CADM1: variants seen among roughly 807,000 people sequenced by gnomAD.
CADM1 encodes cell adhesion molecule 1.
CADM1 carries 15 observed loss-of-function variants against 53.1 expected under a neutral mutation model. That is an observed-to-expected ratio of 0.28 (90% CI 0.19 to 0.44). The LOEUF is 0.44. Among genes scored for constraint, CADM1 ranks in the 20% least tolerant of loss-of-function variants. The pLI, the probability that CADM1 is intolerant of heterozygous loss-of-function variation, is 1.00. For synonymous variants in CADM1, 281 were observed against 243.0 expected (o/e 1.16, Z -1.45); for missense variants, 434 against 611.3 (o/e 0.71, Z 3.06).
At chr11:115,469,882 G>A (rs1948975888) in intron 1 of CADM1, among the ~76,000 whole-genome samples, 1 of 152,004 alleles carries the variant, frequency 6.6e-6, no homozygotes, top group Non-Finnish European at 1.5e-5. Context: ...ATGTTGGCCA[G>A]GCTGGTCTTG....
intron 3 of CADM1, 57 bp downstream of exon 3, chr11:115,238,443 T>A: frequency 6.5e-7 from 1 of 1,548,476 alleles, no homozygotes; most frequent in Non-Finnish European, 8.9e-7. Flanking sequence ...TCCTTGCTGC[T>A]GTAAAAGGGC....
chr11:115,188,067 G>A (rs1244650575), intron 10 of CADM1, among the ~76,000 whole-genome samples: 1 of 152,144 alleles, frequency 6.6e-6, no homozygotes, highest in Non-Finnish European at 1.5e-5. Flanking sequence ...CTGGCACACT[G>A]TATATTTACC....
intron 1 of CADM1, among the ~76,000 whole-genome samples, chr11:115,357,924 A>G (rs533312438): frequency 6.6e-6 from 1 of 150,472 alleles, no homozygotes; most frequent in East Asian, 1.9e-4. Flanking sequence ...GTCCAGTACA[A>G]CAGACAGACA....
intron 1 of CADM1, among the ~76,000 whole-genome samples, chr11:115,260,885 A>G (rs900400633): frequency 2.0e-5 from 3 of 151,908 alleles, no homozygotes; most frequent in African/African-American, 7.3e-5. Context: ...CGTGTTAGCC[A>G]GGATGGTCTT....
chr11:115,270,237 G>C (rs1165144127), intron 1 of CADM1, among the ~76,000 whole-genome samples: 2 of 152,094 alleles, frequency 1.3e-5, no homozygotes, highest in African/African-American at 4.8e-5. Flanking sequence ...AGCCTAAAGG[G>C]CAACATATTT....
At chr11:115,301,584 G>A (rs1357158126) in intron 1 of CADM1, among the ~76,000 whole-genome samples, 2 of 152,008 alleles carry the variant, frequency 1.3e-5, no homozygotes, top group Non-Finnish European at 2.9e-5. Flanking sequence ...GTAGACCTTT[G>A]TACTTTACTG....
intron 4 of CADM1, among the ~76,000 whole-genome samples, chr11:115,229,799 A>G (rs61907161): frequency 2.7e-3 from 413 of 152,344 alleles, no homozygotes; most frequent in Non-Finnish European, 5.0e-3. Context: ...TAAGAGAGAA[A>G]GTAACTAAAT....
chr11:115,460,919 G>A (rs1417724477), intron 1 of CADM1, among the ~76,000 whole-genome samples: 1 of 151,984 alleles, frequency 6.6e-6, no homozygotes, highest in Non-Finnish European at 1.5e-5. Context: ...TCAGGTTCTG[G>A]GCCTATGAAC....
intron 11 of CADM1, among the ~76,000 whole-genome samples, chr11:115,178,307 G>T (rs1185171963): frequency 6.6e-6 from 1 of 151,968 alleles, no homozygotes; most frequent in Non-Finnish European, 1.5e-5. Flanking sequence ...ATCCTTTGCG[G>T]CTTCATGCCA....
At chr11:115,198,312 G>A (rs1940257965) in intron 9 of CADM1, 94 bp downstream of exon 9, 1 of 919,664 alleles carries the variant, frequency 1.1e-6, no homozygotes, top group Admixed American at 2.1e-5. Flanking sequence ...CTTGAAACAT[G>A]ATTTCCCTTG....
chr11:115,172,358 C>T lies in CADM1; in HGVS notation c.*4116G>A, dbSNP rs1256377947. ...TTCAGTACAGCCACAAGACCCATCCCACCCTGCACACGGAATTGCTTTCTT... is the reference window on the plus strand; with the variant it reads ...TTCAGTACAGCCACAAGACCCATCCTACCCTGCACACGGAATTGCTTTCTT... On this transcript the variant is annotated 3_prime_UTR_variant, in exon 12 of 12. Coordinates refer to ENST00000331581, the MANE Select transcript of CADM1 (RefSeq NM_001301043.2). The T allele has an allele frequency of 6.6e-6, 1 of 150,856 alleles. No homozygotes were observed. The allele number at this position is 150,856 out of a possible 1,614,324, so 9.3% of individuals were successfully genotyped here. A position where few individuals can be genotyped will look rare whatever the true frequency, so the allele number is the denominator to read the frequency against.
At chr11:115,407,754 T>C (rs554156165) in intron 1 of CADM1, among the ~76,000 whole-genome samples, 1 of 151,424 alleles carries the variant, frequency 6.6e-6, no homozygotes, top group Non-Finnish European at 1.5e-5. Flanking sequence ...CGTTTGGTCC[T>C]AGCAACTTGG....
intron 1 of CADM1, among the ~76,000 whole-genome samples, chr11:115,447,381 T>C (rs1220924165): frequency 6.6e-6 from 1 of 152,196 alleles, no homozygotes; most frequent in East Asian, 1.9e-4. Flanking sequence ...CCCATTTCAC[T>C]ACTTCTAGTC....
intron 7 of CADM1, among the ~76,000 whole-genome samples, chr11:115,212,273 T>G (rs558928707): frequency 1.2e-4 from 18 of 152,184 alleles, no homozygotes; most frequent in Admixed American, 1.1e-3. Context: ...CTTGCTAACT[T>G]TTAGTTCATA....
intron 8 of CADM1, among the ~76,000 whole-genome samples, chr11:115,208,037 A>C (rs1368095836): frequency 6.6e-6 from 1 of 152,228 alleles, no homozygotes; most frequent in Non-Finnish European, 1.5e-5. Flanking sequence ...ATGCTGGTGA[A>C]TAGTATAGAA....
At chr11:115,497,927 G>T (rs943901874) in intron 1 of CADM1, among the ~76,000 whole-genome samples, 3 of 147,242 alleles carry the variant, frequency 2.0e-5, no homozygotes, top group Non-Finnish European at 3.0e-5. Flanking sequence ...AATGTTAAAT[G>T]CTTCAGATTT....
intron 1 of CADM1, among the ~76,000 whole-genome samples, chr11:115,350,011 G>A (rs1197001178): frequency 6.6e-6 from 1 of 152,060 alleles, no homozygotes; most frequent in African/African-American, 2.4e-5. Context: ...CGCTCTTGTG[G>A]CCCAGGCTGG....
intron 1 of CADM1, among the ~76,000 whole-genome samples, chr11:115,368,602 G>T (rs1169709666): frequency 2.6e-5 from 4 of 151,862 alleles, no homozygotes; most frequent in Non-Finnish European, 5.9e-5. Flanking sequence ...TAATATTAGG[G>T]GCACATACAG....
intron 1 of CADM1, among the ~76,000 whole-genome samples, chr11:115,359,531 G>T (rs1265877149): frequency 6.6e-6 from 1 of 152,032 alleles, no homozygotes; most frequent in Non-Finnish European, 1.5e-5. Context: ...CTTCCTTAGA[G>T]AAATGGGTCC....
Sources: allele counts gnomAD v4.1 joint callset (sites outside exome capture counted in the v4.1 genomes callset), GRCh38; gene constraint gnomAD v4.1.1; transcripts MANE v1.5; gene names NCBI Gene and HGNC (gene_info 2026-07-23, HGNC 2026-07-21).